The following TDRKH variants were observed in gnomAD, a reference collection of about 807,000 sequenced individuals.
TDRKH encodes tudor and KH domain containing, also known as tudor and KH domain-containing protein.
Under a neutral mutation model 61.3 loss-of-function variants are expected in TDRKH, and 28 were observed. That is an observed-to-expected ratio of 0.46 (90% confidence interval 0.34 to 0.63). The LOEUF is 0.63. Ranked by LOEUF, TDRKH falls within the 20% of genes least tolerant of loss-of-function variation. TDRKH has a pLI of 0.01. For synonymous variants in TDRKH, 219 were observed against 244.4 expected, an observed-to-expected ratio of 0.90 and a Z score of 0.97; for missense variants, 540 against 683.4, an observed-to-expected ratio of 0.79 and a Z score of 2.34.
downstream of TDRKH, chr1:151,768,203 A>G (rs775948241): frequency 8.1e-6 from 13 of 1,613,444 alleles, no homozygotes; most frequent in African/African-American, 1.7e-4. Flanking sequence ...GATATCCCAT[A>G]TCAGGCCTTG....
chr1:151,771,122 G>A, downstream of TDRKH: 1 of 1,612,592 alleles, frequency 6.2e-7, no homozygotes, highest in East Asian at 2.2e-5. Context: ...GAGGTGGTCA[G>A]ACCAGATCAC....
intron 11 of TDRKH, 49 bp from the exon 12 acceptor site, chr1:151,774,855 A>G (rs1457478215): frequency 6.3e-7 from 1 of 1,590,204 alleles, no homozygotes; most frequent in African/African-American, 1.3e-5. Flanking sequence ...GGCTTTTAGG[A>G]AAAAAGAGGC....
Position 151,779,088 on chromosome 1 carries a change from CT to C in TDRKH, c.561+14del, listed in dbSNP as rs756862499. ...TCTCATGCTCAGGTATAATTCAAGT[CT>C]ATTAGCTACTTGCCTTGGCTGCTGC... is the stretch of plus-strand genomic sequence containing the variant. On this transcript the variant is annotated intron_variant, in intron 5 of 12. Transcript: ENST00000368824. 1.9e-6 allele frequency: 3 copies of C among 1,613,828 alleles called. No individual in the cohort carries two copies. Among genetic ancestry groups the C allele is most frequent in the Non-Finnish European group, 2.5e-6 (3 of 1,179,928 alleles).
chr1:151,776,607 C>G lies in TDRKH; in HGVS notation c.884-8G>C, dbSNP rs757759772. On this transcript the variant is annotated splice_polypyrimidine_tract_variant and splice_region_variant and intron_variant, in intron 6 of 12. Transcript: ENST00000368824. ...TGAAGTCAGGACTGGGGACTGAACACAGAGATAAGGATGGTGGCCACATCA... is the reference window on the plus strand; with the variant it reads ...TGAAGTCAGGACTGGGGACTGAACAGAGAGATAAGGATGGTGGCCACATCA... 66 of 1,613,620 alleles carry G rather than the reference C, an allele frequency of 4.1e-5. No homozygotes were observed. The highest frequency in any genetic ancestry group is 5.3e-5 in the Non-Finnish European group (62 of 1,179,804).
In TDRKH at chr1:151,782,917, T is replaced by G; in HGVS notation, c.106A>C (p.Arg36=). ...SATVAYILYR[R]YRESREERLT... Reference sequence around the variant, plus strand: ...CACGTACCTCTGCTTTCCCTATACCTGCGGTATAGGATATAGGCAACTGTT... The same window carrying G: ...CACGTACCTCTGCTTTCCCTATACCGGCGGTATAGGATATAGGCAACTGTT... The change falls in exon 2 of 13, where the codon AGG becomes CGG. Residue 36 remains arginine, a synonymous_variant. Coordinates refer to ENST00000368824, the MANE Select transcript of TDRKH (RefSeq NM_001083965.2). 6.2e-7 allele frequency: 1 copy of G among 1,611,020 alleles called. No homozygotes were observed. The highest frequency in any genetic ancestry group is 8.5e-7 in the Non-Finnish European group (1 of 1,178,744).
intron 9 of TDRKH, 101 bp from the exon 10 acceptor site, chr1:151,775,644 T>C (rs1649090180): frequency 2.0e-6 from 3 of 1,525,194 alleles, no homozygotes; most frequent in Non-Finnish European, 2.6e-6. Flanking sequence ...ACCTGTGTCT[T>C]CTCTGGTTGG....
intron 1 of TDRKH, among the ~76,000 whole-genome samples, chr1:151,784,831 C>A (rs917833874): frequency 6.6e-6 from 1 of 152,058 alleles, no homozygotes; most frequent in South Asian, 2.1e-4. Flanking sequence ...CAACTGCCTA[C>A]ATGGATCTCC....
At position 151,775,057 on chromosome 1, in the gene TDRKH, T is replaced by G; in HGVS notation, c.1536+8A>C. The stretch of plus-strand genomic sequence containing the variant: ...GAAGCAGCACCCTATATAACTACAA[T>G]AGCTCACCATGTCCTTCAACATGTC... On this transcript the variant is annotated splice_region_variant and intron_variant, in intron 11 of 12. Transcript: ENST00000368824. 1 of 1,613,906 alleles carries G rather than the reference T, an allele frequency of 6.2e-7. No homozygotes were observed. The highest frequency in any genetic ancestry group is 8.5e-7 in the Non-Finnish European group (1 of 1,179,854).
chr1:151,771,088 C>T (rs749766297), downstream of TDRKH: 69 of 1,594,368 alleles, frequency 4.3e-5, 1 homozygote, highest in South Asian at 4.1e-4. Flanking sequence ...TGCCCTGCTG[C>T]GGGCCTTCAG....
intron 3 of TDRKH, among the ~76,000 whole-genome samples, chr1:151,781,177 C>T (rs1218004628): frequency 2.0e-5 from 3 of 147,424 alleles, no homozygotes; most frequent in Admixed American, 1.3e-4. Flanking sequence ...ATTCGCTGGG[C>T]GTGGTGGCGG....
chr1:151,785,997 C>CA (rs1650277485), intron 1 of TDRKH, among the ~76,000 whole-genome samples: 1 of 152,008 alleles, frequency 6.6e-6, no homozygotes, highest in African/African-American at 2.4e-5. Flanking sequence ...CCTCCAGGTA[C>CA]AAAAATTCAA....
chr1:151,770,292 T>G (rs753682244), downstream of TDRKH: 8 of 1,600,526 alleles, frequency 5.0e-6, no homozygotes, highest in Middle Eastern at 1.7e-4. Context: ...CTTTTCGCGC[T>G]GAGGCAGCTG....
Position 151,774,134 on chromosome 1 carries a change from C to T in TDRKH, c.*318G>A. The T allele has an allele frequency of 3.5e-6, 1 of 286,242 alleles. No homozygotes were observed. Among genetic ancestry groups the T allele is most frequent in the South Asian group, 6.5e-5 (1 of 15,392 alleles). The allele number at this position is 286,242 out of a possible 1,614,324, so 17.7% of individuals were successfully genotyped here. A position where few individuals can be genotyped will look rare whatever the true frequency, so the allele number is the denominator to read the frequency against. ...GGGAGGAGAATATTAATTTGGTCCA[C>T]AGCAAGCCAGACTATATGTGTAATA... On this transcript the variant is annotated 3_prime_UTR_variant, in exon 13 of 13. Transcript: ENST00000368824.
downstream of TDRKH, among the ~76,000 whole-genome samples, chr1:151,772,854 A>T (rs1648804409): frequency 6.6e-6 from 1 of 152,076 alleles, no homozygotes. Context: ...GGTCTTACTC[A>T]CACAGCCTAA....
chr1:151,771,442 GGAAA>G, downstream of TDRKH: 1 of 1,109,394 alleles, frequency 9.0e-7, no homozygotes, highest in Non-Finnish European at 1.2e-6. Flanking sequence ...GAACTACGGA[GGAAA>G]GTACCTAAGG....
Position 151,774,442 on chromosome 1 carries a change from A to G in TDRKH, c.*10T>C, listed in dbSNP as rs368813898. The G allele has an allele frequency of 1.8e-5, 29 of 1,614,010 alleles. No homozygotes were observed. In the African/African-American group the frequency reaches 2.9e-4, roughly 16 times the overall value. ...CAAAGCAGATGGCTGAGCAAACTGA[A>G]GCCCAGACTTCAGAGTAAGTAGTCA... On this transcript the variant is annotated 3_prime_UTR_variant, in exon 13 of 13. Transcript: ENST00000368824.
intron 1 of TDRKH, among the ~76,000 whole-genome samples, chr1:151,785,010 C>A (rs890689238): frequency 6.6e-6 from 1 of 151,228 alleles, no homozygotes; most frequent in Non-Finnish European, 1.5e-5. Context: ...TGGCTCACTG[C>A]AGCCACAACC....
intron 1 of TDRKH, chr1:151,783,299 C>A: frequency 1.0e-5 from 2 of 194,454 alleles, no homozygotes; most frequent in South Asian, 1.4e-4. Context: ...TTTTAAAAGA[C>A]AAAAAAAATT....
At chr1:151,767,620 G>C (rs1648409263), downstream of TDRKH, 1 of 318,992 alleles carries the variant, frequency 3.1e-6, no homozygotes, top group Non-Finnish European at 5.6e-6. Flanking sequence ...CTGGAATCCA[G>C]AACTTGCCCA....
Sources: allele counts gnomAD v4.1 joint callset (sites outside exome capture counted in the v4.1 genomes callset), GRCh38; gene constraint gnomAD v4.1.1; transcripts MANE v1.5; gene names NCBI Gene and HGNC (gene_info 2026-07-23, HGNC 2026-07-21).